The following EDIL3 variants were observed in gnomAD, a reference collection of about 807,000 sequenced individuals.
EDIL3 encodes EGF-like repeat and discoidin I-like domain-containing protein 3.
Under a neutral mutation model 67.4 loss-of-function variants are expected in EDIL3, and 37 were observed. That is an observed-to-expected ratio of 0.55 (90% confidence interval 0.42 to 0.72). The LOEUF (loss-of-function observed/expected upper bound fraction) is 0.72. Among genes scored for constraint, EDIL3 ranks in the 30% least tolerant of loss-of-function variants. The pLI is 0.00. For synonymous variants in EDIL3, 195 were observed against 196.3 expected (o/e 0.99, Z 0.05); for missense variants, 527 against 586.3 (o/e 0.90, Z 1.04).
chr5:84,215,888 G>T (rs770898984), intron 3 of EDIL3, among the ~76,000 whole-genome samples: 7 of 152,182 alleles, frequency 4.6e-5, no homozygotes, highest in African/African-American at 7.2e-5. Context: ...AATATATAAA[G>T]TTTCTATCCT....
chr5:84,180,146 T>C (rs1233384616), intron 4 of EDIL3, among the ~76,000 whole-genome samples: 1 of 151,940 alleles, frequency 6.6e-6, no homozygotes, highest in African/African-American at 2.4e-5. Context: ...GCAAGGATAG[T>C]GGGGCAATAA....
At chr5:84,054,147 G>A (rs1196799116) in intron 9 of EDIL3, among the ~76,000 whole-genome samples, 1 of 152,134 alleles carries the variant, frequency 6.6e-6, no homozygotes, top group Non-Finnish European at 1.5e-5. Context: ...TGCAAGGCTG[G>A]TTCAACATAT....
chr5:84,148,727 C>T (rs559298178), intron 4 of EDIL3, among the ~76,000 whole-genome samples: 6 of 152,208 alleles, frequency 3.9e-5, no homozygotes, highest in Non-Finnish European at 5.9e-5. Flanking sequence ...ACACTCAAGG[C>T]CACCATGGAA....
intron 9 of EDIL3, among the ~76,000 whole-genome samples, chr5:84,036,084 C>T (rs540304735): frequency 1.3e-5 from 2 of 152,274 alleles, no homozygotes; most frequent in South Asian, 4.1e-4. Flanking sequence ...GATAGTGTAA[C>T]AAAATCATTG....
intron 3 of EDIL3, among the ~76,000 whole-genome samples, chr5:84,186,253 C>T (rs1743442887): frequency 2.6e-5 from 4 of 151,948 alleles, no homozygotes; most frequent in Admixed American, 1.3e-4. Flanking sequence ...ATAATAATCA[C>T]CTAGAGCATA....
chr5:84,244,422 G>A (rs1469519507), intron 2 of EDIL3, among the ~76,000 whole-genome samples: 6 of 151,534 alleles, frequency 4.0e-5, no homozygotes, highest in Admixed American at 3.3e-4. Flanking sequence ...GGGATTACAG[G>A]TGTGCACCAC....
chr5:84,291,664 A>C (rs903469544), intron 1 of EDIL3, among the ~76,000 whole-genome samples: 14 of 141,798 alleles, frequency 9.9e-5, no homozygotes, highest in South Asian at 4.4e-4. Flanking sequence ...ATATATCTAT[A>C]TATATATCTA....
intron 1 of EDIL3, among the ~76,000 whole-genome samples, chr5:84,333,058 A>C (rs942695558): frequency 6.6e-6 from 1 of 152,198 alleles, no homozygotes; most frequent in African/African-American, 2.4e-5. Flanking sequence ...TAGATAGATA[A>C]AATAAGAGAA....
chr5:84,040,171 C>A (rs948851453), intron 9 of EDIL3, among the ~76,000 whole-genome samples: 8 of 152,130 alleles, frequency 5.3e-5, no homozygotes, highest in African/African-American at 1.9e-4. Context: ...ACACTCTAAC[C>A]ACTTCAGATA....
chr5:84,255,172 T>C (rs942838792), intron 1 of EDIL3, among the ~76,000 whole-genome samples: 7 of 152,160 alleles, frequency 4.6e-5, no homozygotes, highest in African/African-American at 1.7e-4. Context: ...GACCAGGACT[T>C]GTGTTAGAAA....
intron 4 of EDIL3, among the ~76,000 whole-genome samples, chr5:84,178,716 T>C (rs1254759903): frequency 1.3e-5 from 2 of 152,182 alleles, no homozygotes; most frequent in Non-Finnish European, 2.9e-5. Flanking sequence ...AAATCTGGGT[T>C]TCTGCTTCCA....
intron 6 of EDIL3, among the ~76,000 whole-genome samples, chr5:84,088,665 G>A (rs930963343): frequency 3.9e-5 from 6 of 152,070 alleles, no homozygotes; most frequent in Non-Finnish European, 7.4e-5. Context: ...ATGTTTCAAA[G>A]TGATTGAAGC....
At chr5:84,286,730 T>C (rs1352049521) in intron 1 of EDIL3, among the ~76,000 whole-genome samples, 4 of 152,200 alleles carry the variant, frequency 2.6e-5, no homozygotes, top group African/African-American at 9.6e-5. Context: ...CTGAAGGTTT[T>C]GGATACAATT....
At chr5:84,374,047 A>C (rs569704177) in intron 1 of EDIL3, among the ~76,000 whole-genome samples, 1 of 152,288 alleles carries the variant, frequency 6.6e-6, no homozygotes, top group Admixed American at 6.5e-5. Flanking sequence ...TGAGGAAGTA[A>C]AGCATGTTAT....
At chr5:84,213,529 C>G (rs1744170817) in intron 3 of EDIL3, among the ~76,000 whole-genome samples, 1 of 152,122 alleles carries the variant, frequency 6.6e-6, no homozygotes, top group Non-Finnish European at 1.5e-5. Context: ...ATGTATAGCT[C>G]ATTCTTTTTC....
chr5:84,322,476 T>A (rs986733020), intron 1 of EDIL3, among the ~76,000 whole-genome samples: 1 of 152,006 alleles, frequency 6.6e-6, no homozygotes, highest in African/African-American at 2.4e-5. Flanking sequence ...AGTAGGCAGA[T>A]AAAAGAATCA....
rs1176716062 is a variant in EDIL3 at position 83,942,220 on chromosome 5, C to T, written c.*1199G>A. ...TGATAATTGCTTATTTTTTCAGGAC[C>T]TTTGAAGCAAAATAAATAGAAATCA... is the stretch of plus-strand genomic sequence containing the variant. On this transcript the variant is annotated 3_prime_UTR_variant, in exon 11 of 11. Coordinates refer to ENST00000296591, the MANE Select transcript of EDIL3 (RefSeq NM_005711.5). 6.6e-6 allele frequency: 1 copy of T among 151,874 alleles called. No homozygotes were observed. Among genetic ancestry groups the T allele is most frequent in the Non-Finnish European group, 1.5e-5 (1 of 67,896 alleles). The allele number at this position is 151,874 out of a possible 1,614,324, so 9.4% of individuals were successfully genotyped here.
At chr5:84,082,735 T>C (rs1746992456) in intron 6 of EDIL3, among the ~76,000 whole-genome samples, 1 of 152,204 alleles carries the variant, frequency 6.6e-6, no homozygotes, top group Non-Finnish European at 1.5e-5. Flanking sequence ...ATATTATGGT[T>C]TTTCTTGAGA....
intron 1 of EDIL3, among the ~76,000 whole-genome samples, chr5:84,373,546 T>G (rs1049911329): frequency 1.6e-4 from 24 of 152,138 alleles, no homozygotes; most frequent in African/African-American, 4.3e-4. Flanking sequence ...ATTTTCTTAG[T>G]GCCAGAGATG....
Sources: gnomAD v4.1 joint callset for allele counts (sites outside exome capture counted in the v4.1 genomes callset) on GRCh38, gnomAD v4.1.1 for gene constraint, MANE v1.5 for transcripts, NCBI Gene and HGNC (gene_info 2026-07-23, HGNC 2026-07-21) for gene names.